The following SCAF8 variants were observed in gnomAD, a reference collection of about 807,000 sequenced individuals.
SCAF8 encodes the protein SR-related CTD associated factor 8.
SCAF8 carries 23 observed loss-of-function variants against 140.5 expected under a neutral mutation model. That is an observed-to-expected ratio of 0.16 (90% CI 0.12 to 0.23). The LOEUF is 0.23. Among genes scored for constraint, SCAF8 ranks in the 10% least tolerant of loss-of-function variants. SCAF8 has a pLI of 1.00. For missense variants in SCAF8, 1,397 were observed against 1,555.7 expected, an observed-to-expected ratio of 0.90 and a Z score of 1.72; for synonymous variants, 575 against 528.9, an observed-to-expected ratio of 1.09 and a Z score of -1.20.
chr6:154,797,810 A>G (rs1222521580), intron 6 of SCAF8, among the ~76,000 whole-genome samples: 3 of 151,490 alleles, frequency 2.0e-5, no homozygotes, highest in African/African-American at 7.2e-5. Flanking sequence ...GTAACCTGTT[A>G]TATTTTTCTA....
intron 1 of SCAF8, among the ~76,000 whole-genome samples, chr6:154,746,600 G>A (rs750095236): frequency 2.6e-5 from 4 of 152,190 alleles, no homozygotes; most frequent in Non-Finnish European, 5.9e-5. Context: ...CTTATTATTT[G>A]TTCATTCCTG....
Position 154,820,255 on chromosome 6 carries a change from C to T in SCAF8, c.1714C>T (p.Pro572Ser), listed in dbSNP as rs991676760. The change falls in exon 15 of 20, where the codon CCA becomes TCA. Residue 572 changes from proline (P) to serine (S), a missense_variant. This residue lies in a region of SCAF8 where 930 missense variants were observed against 874.6 expected (regional missense o/e 1.06). Coordinates refer to ENST00000367178, the MANE Select transcript of SCAF8 (RefSeq NM_014892.5). ...TGTGGATCTTGGAGTTACATATATA[C>T]CATGGGAAAAAGTTAAAGTGGATGA... ...WDVDLGVTYIPWEKVKVDDLE... is the reference protein window; with the variant it reads ...WDVDLGVTYISWEKVKVDDLE... 1.6e-5 allele frequency: 25 copies of T among 1,610,644 alleles called. No homozygotes were observed. Among genetic ancestry groups the T allele is most frequent in the African/African-American group, 4.0e-5 (3 of 74,556 alleles).
chr6:154,748,600 T>C lies in SCAF8; in HGVS notation c.30+14670T>C, dbSNP rs565060279. On this transcript the variant is annotated intron_variant, in intron 1 of 19. Coordinates refer to ENST00000367178, the MANE Select transcript of SCAF8 (RefSeq NM_014892.5). ...CCTTTGTAAAGATTATTAATATATT[T>C]GGCTTTTCTTTAACATCAAGAAATA... 2.6e-5 allele frequency among the ~76,000 whole-genome samples: 4 copies of C among 152,336 alleles called. No homozygotes were observed. In the East Asian group the frequency reaches 7.7e-4, roughly 29 times the overall value.
rs143202643 is a variant in SCAF8, at chr6:154,758,236, A to G, written c.31-15753A>G. ...CAAGTTTCACTTATATGCTGGCGACATTTTTAATATTATGTTGTAAGACTT... is the reference window on the plus strand; with the variant it reads ...CAAGTTTCACTTATATGCTGGCGACGTTTTTAATATTATGTTGTAAGACTT... On this transcript the variant is annotated intron_variant, in intron 1 of 19. Transcript: ENST00000367178. Among the ~76,000 whole-genome samples, 254 of 152,214 alleles carry G rather than the reference A, an allele frequency of 1.7e-3. 1 individual carries two copies. The highest frequency in any genetic ancestry group is 5.6e-3 in the African/African-American group (233 of 41,530).
intron 1 of SCAF8, among the ~76,000 whole-genome samples, chr6:154,757,514 G>C (rs1778996851): frequency 6.6e-6 from 1 of 152,134 alleles, no homozygotes; most frequent in Admixed American, 6.5e-5. Context: ...GCTCGTATTT[G>C]GTTGCCTGTT....
chr6:154,744,467 C>T (rs1778647911), intron 1 of SCAF8, among the ~76,000 whole-genome samples: 1 of 152,192 alleles, frequency 6.6e-6, no homozygotes, highest in South Asian at 2.1e-4. Flanking sequence ...TCTTTTTCTG[C>T]AGCCATTACC....
intron 6 of SCAF8, among the ~76,000 whole-genome samples, chr6:154,798,781 A>G (rs1440809190): frequency 6.6e-6 from 1 of 151,154 alleles, no homozygotes; most frequent in Non-Finnish European, 1.5e-5. Context: ...TGTCTCACTC[A>G]GAGTAAAAGC....
At chr6:154,734,777 A>G (rs1191814267) in intron 1 of SCAF8, among the ~76,000 whole-genome samples, 1 of 152,230 alleles carries the variant, frequency 6.6e-6, no homozygotes, top group Non-Finnish European at 1.5e-5. Context: ...CATCAAACAT[A>G]GCAAGTACAC....
chr6:154,776,886 A>G (rs2114850585), intron 2 of SCAF8, among the ~76,000 whole-genome samples: 1 of 152,292 alleles, frequency 6.6e-6, no homozygotes, highest in East Asian at 1.9e-4. Flanking sequence ...CACGAGAAGA[A>G]AAGTATAAAG....
chr6:154,759,104 T>C lies in SCAF8; in HGVS notation c.31-14885T>C, dbSNP rs147267031. On this transcript the variant is annotated intron_variant, in intron 1 of 19. Transcript: ENST00000367178. ...TTCAGGTTTGACTCTGGTTTCCAGT[T>C]TGCCTGCTGTTTTTTGCTTCCGGAT... is the stretch of plus-strand genomic sequence containing the variant. Among the ~76,000 whole-genome samples the C allele has an allele frequency of 3.9e-5, 6 of 152,336 alleles. No homozygotes were observed. The South Asian group carries it at 1.2e-3, about 32-fold the overall frequency.
At chr6:154,794,265 A>G (rs547574058) in intron 5 of SCAF8, among the ~76,000 whole-genome samples, 1 of 152,186 alleles carries the variant, frequency 6.6e-6, no homozygotes, top group South Asian at 2.1e-4. Context: ...CTTACTATAA[A>G]ATTTTTTTAT....
At chr6:154,771,565 G>A (rs1200713996) in intron 1 of SCAF8, among the ~76,000 whole-genome samples, 3 of 152,204 alleles carry the variant, frequency 2.0e-5, no homozygotes, top group Admixed American at 1.3e-4. Context: ...GTGGGTAGTA[G>A]GAGTGGGTGA....
At position 154,833,157 on chromosome 6, in the gene SCAF8, C is replaced by G. The variant is rs1778802171; in HGVS notation, c.3578C>G (p.Ala1193Gly). 3.7e-6 allele frequency: 6 copies of G among 1,613,924 alleles called. No homozygotes were observed. Among genetic ancestry groups the G allele is most frequent in the African/African-American group, 2.7e-5 (2 of 74,886 alleles). ...IQNTWVPPPH[A>G]RVFDYFEGAT... is the part of the protein sequence containing the mutation. ...AACACTTGGGTTCCCCCTCCTCATG[C>G]TCGGGTTTTTGATTATTTTGAAGGG... Residue 1193 changes from alanine to glycine, a missense_variant, in exon 20 of 20, where the codon GCT (alanine) becomes GGT (glycine). By Grantham distance (60) the Ala-to-Gly change is moderately conservative (BLOSUM62 0). Transcript: ENST00000367178.
chr6:154,770,982 T>C (rs1044669618), intron 1 of SCAF8, among the ~76,000 whole-genome samples: 2 of 152,148 alleles, frequency 1.3e-5, no homozygotes, highest in African/African-American at 4.8e-5. Context: ...TGGCCTCAAG[T>C]GATCCACCTG....
chr6:154,734,150 T>G (rs1001852500), intron 1 of SCAF8, among the ~76,000 whole-genome samples: 1 of 151,702 alleles, frequency 6.6e-6, no homozygotes, highest in African/African-American at 2.4e-5. Flanking sequence ...CGGAGGGAGG[T>G]TCTGGCGTCT....
intron 1 of SCAF8, among the ~76,000 whole-genome samples, chr6:154,737,396 C>T (rs776025134): frequency 6.6e-6 from 1 of 152,116 alleles, no homozygotes; most frequent in Non-Finnish European, 1.5e-5. Context: ...TTAAAATAGG[C>T]TGGGCTCGAT....
chr6:154,818,366 C>G, intron 13 of SCAF8, 113 bp from the exon 14 acceptor site: 1 of 439,304 alleles, frequency 2.3e-6, no homozygotes, highest in Non-Finnish European at 4.0e-6. Flanking sequence ...AGTCAGTAAT[C>G]TATCAGAATT....
rs756842534 is a variant in SCAF8, at chr6:154,831,917, TTCTC to T, written c.2360-14_2360-11del. The T allele has an allele frequency of 1.3e-4, 200 of 1,558,058 alleles. No individual in the cohort carries two copies. The highest frequency in any genetic ancestry group is 3.5e-4 in the Admixed American group (17 of 48,838). On this transcript the variant is annotated intron_variant, in intron 19 of 19. Transcript: ENST00000367178. ...ACTTTTGACTGTTATTTTGAGTTTTTTCTCTCTCTCTTTTTTTTTAGTGATTCCA... is the reference window on the plus strand; with the variant it reads ...ACTTTTGACTGTTATTTTGAGTTTTTTCTCTCTTTTTTTTTAGTGATTCCA...
intron 1 of SCAF8, among the ~76,000 whole-genome samples, chr6:154,764,392 T>A (rs1322924709): frequency 6.6e-6 from 1 of 152,032 alleles, no homozygotes; most frequent in Non-Finnish European, 1.5e-5. Context: ...GTTATTTCAA[T>A]CTCTGAGGTC....
Sources: gnomAD v4.1 joint callset for allele counts (sites outside exome capture counted in the v4.1 genomes callset) on GRCh38, gnomAD v4.1.1 for gene constraint, gnomAD v4.1.1 regional missense constraint, MANE v1.5 for transcripts, NCBI Gene and HGNC (gene_info 2026-07-23, HGNC 2026-07-21) for gene names.